Variants in CDH23 observed in about 807,000 individuals in gnomAD.
The protein encoded by CDH23 is cadherin related 23, also known as cadherin-23.
A neutral mutation model predicts 317.1 loss-of-function variants in CDH23; 189 were observed. The ratio of observed to expected loss-of-function variants is 0.60; its 90% CI spans 0.53 to 0.67. The LOEUF is 0.67. Among genes scored for constraint, CDH23 ranks in the 30% least tolerant of loss-of-function variants. CDH23 has a pLI of 0.00. For missense variants in CDH23, 4,401 were observed against 4,592.4 expected, an observed-to-expected ratio of 0.96 and a Z score of 1.20; for synonymous variants, 1,839 against 1,876.8, an observed-to-expected ratio of 0.98 and a Z score of 0.52.
At chr10:71,533,596 G>T (rs771802504) in intron 6 of CDH23, among the ~76,000 whole-genome samples, 1 of 150,492 alleles carries the variant, frequency 6.6e-6, no homozygotes, top group Non-Finnish European at 1.5e-5. Context: ...AGGCCAGAAG[G>T]CACTTAGTTG....
intron 56 of CDH23, 63 bp from the exon 57 acceptor site, chr10:71,806,105 G>A: frequency 6.5e-7 from 1 of 1,531,296 alleles, no homozygotes; most frequent in Non-Finnish European, 8.8e-7. Context: ...CTGGCCACCG[G>A]GAAGTCCCCA....
chr10:71,692,614 A>G (rs927325300), intron 20 of CDH23, among the ~76,000 whole-genome samples: 4 of 152,184 alleles, frequency 2.6e-5, no homozygotes, highest in Non-Finnish European at 5.9e-5. Flanking sequence ...TCCTGGCCTC[A>G]GCACCTAAGC....
At chr10:71,526,444 G>T (rs1232912484) in intron 6 of CDH23, among the ~76,000 whole-genome samples, 1 of 152,196 alleles carries the variant, frequency 6.6e-6, no homozygotes, top group Admixed American at 6.5e-5. Flanking sequence ...GTGGGCGGAG[G>T]CCCCAAAAGA....
intron 1 of CDH23, among the ~76,000 whole-genome samples, chr10:71,437,863 A>G (rs927111687): frequency 2.6e-5 from 4 of 152,188 alleles, no homozygotes; most frequent in Admixed American, 6.5e-5. Context: ...GTGGACTCCA[A>G]CTGGCCATCA....
chr10:71,484,822 A>G (rs1852256596), intron 3 of CDH23, among the ~76,000 whole-genome samples: 5 of 152,020 alleles, frequency 3.3e-5, no homozygotes, highest in South Asian at 2.1e-4. Flanking sequence ...CTGGGGTTTT[A>G]TTACAAATAG....
At position 71,532,711 on chromosome 10, in the gene CDH23, G is replaced by GTTTTTTTTTGTTTTT. The variant is rs1855452212; in HGVS notation, c.429+21508_429+21509insGTTTTTTTTTTTTTT. ...TGTTGGCAAGTTTTCTTTTGTTTTT[G>GTTTTTTTTTGTTTTT]TTTTTTTTTTTTTTTGTTTTTTTTT... On this transcript the variant is annotated intron_variant, in intron 6 of 69. Transcript: ENST00000224721. Among the ~76,000 whole-genome samples the GTTTTTTTTTGTTTTT allele has an allele frequency of 2.7e-4, 35 of 128,132 alleles. 1 individual carries two copies. Among genetic ancestry groups the GTTTTTTTTTGTTTTT allele is most frequent in the Non-Finnish European group, 4.9e-4 (28 of 57,018 alleles). The allele number at this position is 128,132 out of a possible 152,430, so 84.1% of individuals were successfully genotyped here.
chr10:71,584,336 A>G (rs1858880433), intron 9 of CDH23, among the ~76,000 whole-genome samples: 2 of 152,240 alleles, frequency 1.3e-5, no homozygotes, highest in African/African-American at 4.8e-5. Flanking sequence ...TAGGTGAGAA[A>G]TATCAGGCCG....
intron 6 of CDH23, among the ~76,000 whole-genome samples, chr10:71,563,739 C>A (rs1284445524): frequency 6.7e-6 from 1 of 148,728 alleles, no homozygotes; most frequent in Non-Finnish European, 1.5e-5. Flanking sequence ...CTTTTTTTTT[C>A]TTTTTTCTTT....
At chr10:71,474,178 G>C (rs960782336) in intron 3 of CDH23, among the ~76,000 whole-genome samples, 11 of 152,176 alleles carry the variant, frequency 7.2e-5, no homozygotes, top group African/African-American at 2.2e-4. Flanking sequence ...ACCAGGGCCA[G>C]CTTGTTCTGC....
At chr10:71,484,994 G>A (rs1055256025) in intron 3 of CDH23, among the ~76,000 whole-genome samples, 1 of 149,720 alleles carries the variant, frequency 6.7e-6, no homozygotes, top group Admixed American at 6.7e-5. Flanking sequence ...ATAGGGGTGT[G>A]TGTTTTTCTT....
At chr10:71,667,359 A>AGAGT (rs58361666) in intron 14 of CDH23, among the ~76,000 whole-genome samples, 102 of 112,106 alleles carry the variant, frequency 9.1e-4, no homozygotes, top group African/African-American at 3.0e-3. Flanking sequence ...AGAGAGAGAG[A>AGAGT]GTGTGTGTGT....
intron 14 of CDH23, among the ~76,000 whole-genome samples, chr10:71,663,603 T>C (rs1193821960): frequency 6.6e-6 from 1 of 152,244 alleles, no homozygotes; most frequent in East Asian, 1.9e-4. Context: ...TTCAGGCATG[T>C]TGCTTAACCT....
chr10:71,667,367 T>A (rs371043904), intron 14 of CDH23, among the ~76,000 whole-genome samples: 139 of 39,316 alleles, frequency 3.5e-3, no homozygotes, highest in South Asian at 0.017. Context: ...AGAGTGTGTG[T>A]GTGTGTGTGT....
intron 14 of CDH23, among the ~76,000 whole-genome samples, chr10:71,669,353 C>A (rs115526578): frequency 0.016 from 2,460 of 152,262 alleles, 71 homozygotes; most frequent in African/African-American, 0.056. Context: ...GACCTTCAAG[C>A]CCACTTTCAG....
chr10:71,738,363 G>C lies in CDH23; in HGVS notation c.4210-135G>C, dbSNP rs187841712. On this transcript the variant is annotated intron_variant, in intron 34 of 69. Transcript: ENST00000224721. ...CCTTTGTAAAGTCAGGATAGGCTTCGGTGGGCTCTGAGGGTTTGCTGATGT... is the reference window on the plus strand; with the variant it reads ...CCTTTGTAAAGTCAGGATAGGCTTCCGTGGGCTCTGAGGGTTTGCTGATGT... The C allele has an allele frequency of 6.9e-4, 681 of 990,712 alleles. 4 individuals carry two copies. In the Middle Eastern group the frequency reaches 8.5e-3, roughly 12 times the overall value. 61.4% of individuals were successfully genotyped at this position (990,712 alleles called of 1,614,324 possible). A position where few individuals can be genotyped will look rare whatever the true frequency, so the allele number is the denominator to read the frequency against.
chr10:71,451,616 C>G (rs929822699), intron 3 of CDH23, among the ~76,000 whole-genome samples: 5 of 152,226 alleles, frequency 3.3e-5, no homozygotes, highest in Non-Finnish European at 7.3e-5. Flanking sequence ...CTCTGGGTGG[C>G]CTTCCTGGGT....
At chr10:71,638,915 G>A (rs1015431501) in intron 11 of CDH23, among the ~76,000 whole-genome samples, 23 of 152,142 alleles carry the variant, frequency 1.5e-4, no homozygotes, top group African/African-American at 5.6e-4. Flanking sequence ...GGAAGTTGCG[G>A]GGCAGCCCTC....
chr10:71,718,403 C>T (rs1224604693), intron 28 of CDH23, among the ~76,000 whole-genome samples: 1 of 137,654 alleles, frequency 7.3e-6, no homozygotes, highest in East Asian at 2.6e-4. Context: ...AGGCAGAAAA[C>T]GACCCCTCCC....
intron 3 of CDH23, among the ~76,000 whole-genome samples, chr10:71,465,273 T>C (rs1851192626): frequency 6.6e-6 from 1 of 152,206 alleles, no homozygotes; most frequent in African/African-American, 2.4e-5. Flanking sequence ...GAGTTGTATT[T>C]TATAAAAGAG....
Sources: gnomAD v4.1 joint callset for allele counts (sites outside exome capture counted in the v4.1 genomes callset) on GRCh38, gnomAD v4.1.1 for gene constraint, MANE v1.5 for transcripts, NCBI Gene and HGNC (gene_info 2026-07-23, HGNC 2026-07-21) for gene names.